RBFOX1: variants seen among roughly 807,000 people sequenced by gnomAD.
The protein encoded by RBFOX1 is RNA binding protein fox-1 homolog 1.
In RBFOX1, 8 loss-of-function variants were observed where a neutral mutation model predicts 57.7. The observed-to-expected ratio is 0.14, with a 90% confidence interval of 0.08 to 0.25. The LOEUF is 0.25. Among genes scored for constraint, RBFOX1 ranks in the 10% least tolerant of loss-of-function variants. The pLI is 1.00. For missense variants in RBFOX1, 611 were observed against 548.5 expected (o/e 1.11, Z -1.14); for synonymous variants, 326 against 222.4 (o/e 1.47, Z -4.15).
chr16:7,459,057 A>G (rs950034371), intron 4 of RBFOX1, among the ~76,000 whole-genome samples: 2 of 152,098 alleles, frequency 1.3e-5, no homozygotes, highest in African/African-American at 2.4e-5. Context: ...GGATGGATGA[A>G]TGCAATAGAT....
chr16:6,115,794 A>C (rs1307691565), intron 1 of RBFOX1, among the ~76,000 whole-genome samples: 1 of 152,168 alleles, frequency 6.6e-6, no homozygotes, highest in Non-Finnish European at 1.5e-5. Context: ...CCTGGTCTAC[A>C]TTACATATGA....
chr16:7,395,161 A>ATT (rs5815400), intron 4 of RBFOX1, among the ~76,000 whole-genome samples: 9,394 of 144,254 alleles, frequency 0.065, 354 homozygotes, highest in East Asian at 0.18. Context: ...CCAAGTGTGG[A>ATT]TTTTTTTTTT....
At chr16:6,065,872 C>T (rs914224841) in intron 1 of RBFOX1, among the ~76,000 whole-genome samples, 2 of 152,152 alleles carry the variant, frequency 1.3e-5, no homozygotes, top group African/African-American at 2.4e-5. Flanking sequence ...TGGATTTTGC[C>T]TCCGAGGACT....
intron 4 of RBFOX1, among the ~76,000 whole-genome samples, chr16:7,375,370 T>C (rs1444952263): frequency 6.6e-6 from 1 of 152,114 alleles, no homozygotes. Context: ...CTACTTAGGG[T>C]AAATTAAAAT....
At chr16:7,678,204 C>T (rs901558337) in intron 14 of RBFOX1, among the ~76,000 whole-genome samples, 3 of 152,116 alleles carry the variant, frequency 2.0e-5, no homozygotes, top group Admixed American at 2.0e-4. Context: ...ATTGTCAAGA[C>T]AAGGTTCTCA....
intron 2 of RBFOX1, among the ~76,000 whole-genome samples, chr16:6,390,872 G>C (rs916530819): frequency 2.6e-5 from 4 of 152,134 alleles, no homozygotes; most frequent in Non-Finnish European, 2.9e-5. Flanking sequence ...TTTAGTGGAT[G>C]ATAGGGAAGG....
intron 2 of RBFOX1, among the ~76,000 whole-genome samples, chr16:6,532,151 T>G (rs2096666894): frequency 6.6e-6 from 1 of 152,134 alleles, no homozygotes; most frequent in African/African-American, 2.4e-5. Context: ...TCACCCTGGC[T>G]GGGAGAGCTA....
At chr16:6,685,856 C>G (rs1458287993) in intron 3 of RBFOX1, among the ~76,000 whole-genome samples, 4 of 152,062 alleles carry the variant, frequency 2.6e-5, no homozygotes, top group Admixed American at 6.6e-5. Flanking sequence ...ATAAATATTT[C>G]TGTCTTAAAG....
intron 11 of RBFOX1, among the ~76,000 whole-genome samples, chr16:7,651,337 C>A (rs569387708): frequency 4.6e-5 from 7 of 152,246 alleles, no homozygotes; most frequent in African/African-American, 1.2e-4. Flanking sequence ...CAAACCCCAC[C>A]CGCTCCCTTC....
At chr16:7,270,645 G>A (rs1013405735) in intron 4 of RBFOX1, among the ~76,000 whole-genome samples, 5 of 152,244 alleles carry the variant, frequency 3.3e-5, no homozygotes, top group Admixed American at 6.5e-5. Flanking sequence ...TAAATCAGTT[G>A]CTATTAGACA....
intron 3 of RBFOX1, among the ~76,000 whole-genome samples, chr16:6,998,023 G>A (rs143392797): frequency 4.7e-4 from 71 of 151,980 alleles, no homozygotes; most frequent in African/African-American, 1.4e-3. Context: ...GGTAAATGCC[G>A]TTCTTTTGTT....
intron 1 of RBFOX1, among the ~76,000 whole-genome samples, chr16:5,438,805 G>A (rs769398081): frequency 2.6e-5 from 4 of 152,186 alleles, no homozygotes; most frequent in East Asian, 1.9e-4. Context: ...GGGGTGTCAC[G>A]TGCTCAGCCA....
chr16:7,047,142 C>T (rs372182253), intron 3 of RBFOX1, among the ~76,000 whole-genome samples: 2 of 151,618 alleles, frequency 1.3e-5, no homozygotes, highest in South Asian at 2.1e-4. Flanking sequence ...TTACCATTTC[C>T]ATTTCCAGCT....
chr16:6,725,295 C>G (rs986679358), intron 3 of RBFOX1, among the ~76,000 whole-genome samples: 6 of 151,992 alleles, frequency 3.9e-5, no homozygotes, highest in African/African-American at 9.7e-5. Context: ...TCGTGATCCA[C>G]CCACCTCGGC....
At chr16:6,840,953 G>C (rs917391183) in intron 3 of RBFOX1, among the ~76,000 whole-genome samples, 6 of 151,650 alleles carry the variant, frequency 4.0e-5, no homozygotes, top group African/African-American at 1.5e-4. Flanking sequence ...TGTGAAGTTA[G>C]AGTTAAGGGT....
At chr16:7,205,883 C>T (rs1336430156) in intron 4 of RBFOX1, among the ~76,000 whole-genome samples, 1 of 152,190 alleles carries the variant, frequency 6.6e-6, no homozygotes, top group African/African-American at 2.4e-5. Flanking sequence ...GCATCCAAAG[C>T]AAGGCAGCTA....
intron 4 of RBFOX1, among the ~76,000 whole-genome samples, chr16:7,220,500 A>T (rs931446026): frequency 5.3e-5 from 8 of 152,176 alleles, no homozygotes; most frequent in Non-Finnish European, 1.2e-4. Flanking sequence ...AGTTGCTGAG[A>T]TTTGATTATG....
intron 3 of RBFOX1, among the ~76,000 whole-genome samples, chr16:6,884,908 A>G (rs1567710763): frequency 1.3e-5 from 2 of 152,136 alleles, no homozygotes; most frequent in Admixed American, 6.5e-5. Context: ...AAACAAACAA[A>G]CAAAACAAAA....
intron 3 of RBFOX1, among the ~76,000 whole-genome samples, chr16:6,972,015 T>C (rs997777661): frequency 8.5e-5 from 13 of 152,150 alleles, no homozygotes; most frequent in African/African-American, 2.4e-4. Flanking sequence ...TGAAGTGATA[T>C]AGAAAGAAGA....
Sources: gnomAD v4.1 joint callset for allele counts (sites outside exome capture counted in the v4.1 genomes callset) on GRCh38, gnomAD v4.1.1 for gene constraint, MANE v1.5 for transcripts, NCBI Gene and HGNC (gene_info 2026-07-23, HGNC 2026-07-21) for gene names.